Variants in LEF1 observed in about 807,000 individuals in gnomAD.
LEF1 encodes the protein lymphoid enhancer-binding factor 1.
In LEF1, 14 loss-of-function variants were observed where a neutral mutation model predicts 51.2. The ratio of observed to expected loss-of-function variants is 0.27; its 90% CI spans 0.18 to 0.43. LEF1 has a LOEUF of 0.43. Ranked by LOEUF, LEF1 falls within the 20% of genes least tolerant of loss-of-function variation. The pLI, the probability that LEF1 is intolerant of heterozygous loss-of-function variation, is 1.00. For synonymous variants in LEF1, 185 were observed against 183.2 expected, an observed-to-expected ratio of 1.01 and a Z score of -0.08; for missense variants, 386 against 512.0, an observed-to-expected ratio of 0.75 and a Z score of 2.37.
intron 5 of LEF1, 85 bp from the exon 6 acceptor site, chr4:108,081,754 G>C: frequency 1.1e-6 from 1 of 925,332 alleles, no homozygotes; most frequent in Admixed American, 2.0e-5. Flanking sequence ...GGAGAAGAGG[G>C]AGATATTCAA....
intron 9 of LEF1, among the ~76,000 whole-genome samples, chr4:108,070,071 G>C (rs535105551): frequency 2.0e-5 from 3 of 151,446 alleles, no homozygotes; most frequent in Non-Finnish European, 2.9e-5. Context: ...GTTATGTATA[G>C]ACATATTCAT....
intron 3 of LEF1, among the ~76,000 whole-genome samples, chr4:108,161,980 T>C (rs569268083): frequency 6.6e-6 from 1 of 152,154 alleles, no homozygotes; most frequent in Admixed American, 6.6e-5. Flanking sequence ...GCCCAAATAT[T>C]AAAGAGATAT....
intron 3 of LEF1, among the ~76,000 whole-genome samples, chr4:108,148,299 CA>C (rs1249655528): frequency 6.6e-6 from 1 of 151,574 alleles, no homozygotes; most frequent in African/African-American, 2.4e-5. Context: ...ATTTATCAAG[CA>C]ACTTTCCTGG....
At chr4:108,052,722 T>C (rs1737082222) in intron 11 of LEF1, among the ~76,000 whole-genome samples, 1 of 151,452 alleles carries the variant, frequency 6.6e-6, no homozygotes, top group African/African-American at 2.4e-5. Context: ...CCCTAGAGAG[T>C]CCCAGTGCTG....
chr4:108,095,295 T>C (rs1346552637), intron 3 of LEF1, among the ~76,000 whole-genome samples: 1 of 152,214 alleles, frequency 6.6e-6, no homozygotes, highest in African/African-American at 2.4e-5. Flanking sequence ...AGTTAGTAAG[T>C]ACCAGTCATT....
chr4:108,072,151 T>C (rs1322260311), intron 8 of LEF1: 1 of 152,142 alleles, frequency 6.6e-6, no homozygotes, highest in Non-Finnish European at 1.5e-5. Context: ...TTAATTTTGA[T>C]CTCCCTGTTC....
intron 8 of LEF1, among the ~76,000 whole-genome samples, chr4:108,074,707 A>G (rs1383918312): frequency 6.6e-6 from 1 of 152,244 alleles, no homozygotes; most frequent in African/African-American, 2.4e-5. Flanking sequence ...AAGATCTCAG[A>G]GACCTATAAA....
At chr4:108,120,535 C>T (rs1742108271) in intron 3 of LEF1, among the ~76,000 whole-genome samples, 1 of 152,108 alleles carries the variant, frequency 6.6e-6, no homozygotes, top group African/African-American at 2.4e-5. Flanking sequence ...ATGGACAAAG[C>T]AGTAATTTTT....
At chr4:108,075,782 C>T (rs1738816314) in intron 8 of LEF1, among the ~76,000 whole-genome samples, 1 of 152,128 alleles carries the variant, frequency 6.6e-6, no homozygotes. Context: ...TGGTACATAA[C>T]AGGGGCTCAG....
chr4:108,099,568 G>A (rs367610259), intron 3 of LEF1, among the ~76,000 whole-genome samples: 11,277 of 47,986 alleles, frequency 0.24, 2,026 homozygotes, highest in Middle Eastern at 0.46. Flanking sequence ...GTGTGTGTGT[G>A]TGTATATATA....
At chr4:108,075,970 G>A (rs1220466438) in intron 8 of LEF1, among the ~76,000 whole-genome samples, 2 of 152,150 alleles carry the variant, frequency 1.3e-5, no homozygotes, top group African/African-American at 4.8e-5. Context: ...TGTCCTGGAA[G>A]GAGTGGCCAC....
At chr4:108,164,204 T>C (rs1010799862) in intron 2 of LEF1, among the ~76,000 whole-genome samples, 45 of 152,248 alleles carry the variant, frequency 3.0e-4, no homozygotes, top group Middle Eastern at 3.4e-3. Context: ...ATCTAGTATA[T>C]AGGCAACTAT....
chr4:108,124,824 T>G (rs1333627621), intron 3 of LEF1, among the ~76,000 whole-genome samples: 1 of 152,232 alleles, frequency 6.6e-6, no homozygotes, highest in African/African-American at 2.4e-5. Flanking sequence ...TCAAGTAATT[T>G]GTCCAAAGGT....
intron 3 of LEF1, among the ~76,000 whole-genome samples, chr4:108,106,642 G>A (rs1211795256): frequency 6.6e-6 from 1 of 152,160 alleles, no homozygotes; most frequent in African/African-American, 2.4e-5. Context: ...GCTGCAAAGT[G>A]GTAGAGCCAG....
intron 3 of LEF1, among the ~76,000 whole-genome samples, chr4:108,116,555 C>T (rs1396536665): frequency 2.0e-5 from 3 of 152,146 alleles, no homozygotes; most frequent in Non-Finnish European, 4.4e-5. Flanking sequence ...CCTCCGAGTC[C>T]ACTTCTGAAC....
At chr4:108,164,116 C>G (rs1212525535) in intron 2 of LEF1, among the ~76,000 whole-genome samples, 1 of 151,852 alleles carries the variant, frequency 6.6e-6, no homozygotes, top group Non-Finnish European at 1.5e-5. Context: ...TATGTTTTGC[C>G]TTGTAGACAA....
At chr4:108,073,634 C>A (rs892698487) in intron 8 of LEF1, among the ~76,000 whole-genome samples, 2 of 152,094 alleles carry the variant, frequency 1.3e-5, no homozygotes, top group South Asian at 4.1e-4. Context: ...ATCATAAATA[C>A]AAATTAACTC....
chr4:108,088,283 T>C (rs754748350), intron 4 of LEF1, among the ~76,000 whole-genome samples: 9 of 152,252 alleles, frequency 5.9e-5, no homozygotes, highest in Admixed American at 2.6e-4. Flanking sequence ...ATGTAGGCAG[T>C]GGCAAATTTT....
chr4:108,086,499 G>A (rs1739654906), intron 4 of LEF1, among the ~76,000 whole-genome samples: 1 of 152,156 alleles, frequency 6.6e-6, no homozygotes, highest in South Asian at 2.1e-4. Context: ...AACTTCTATA[G>A]ACATAGGTGA....
Sources: gnomAD v4.1 joint callset for allele counts (sites outside exome capture counted in the v4.1 genomes callset) on GRCh38, gnomAD v4.1.1 for gene constraint, MANE v1.5 for transcripts, NCBI Gene and HGNC (gene_info 2026-07-23, HGNC 2026-07-21) for gene names.